Variants in GOLGA5 observed in about 807,000 individuals in gnomAD.
The protein encoded by GOLGA5 is golgin subfamily A member 5.
A neutral mutation model predicts 93.5 loss-of-function variants in GOLGA5; 50 were observed. That is an observed-to-expected ratio of 0.53 (90% CI 0.43 to 0.68). The LOEUF (loss-of-function observed/expected upper bound fraction) is 0.68, where lower values mean the gene tolerates loss of function less well. Among genes scored for constraint, GOLGA5 ranks in the 30% least tolerant of loss-of-function variants. The pLI, the probability that GOLGA5 is intolerant of heterozygous loss-of-function variation, is 0.00. For missense variants in GOLGA5, 760 were observed against 856.4 expected, an observed-to-expected ratio of 0.89 and a Z score of 1.40; for synonymous variants, 312 against 304.5, an observed-to-expected ratio of 1.02 and a Z score of -0.26.
chr14:92,816,319 C>T lies in GOLGA5; in HGVS notation c.1389C>T (p.Ala463=), dbSNP rs376843711. Residue 463 remains alanine, a synonymous_variant, in exon 7 of 13, where the codon GCC becomes GCT. Transcript: ENST00000163416. ...TTGAAGGCCTAGATAGCAGCACTGCCAGTAGCATGGAGCTGGAAGAACTTC... is the reference window on the plus strand; with the variant it reads ...TTGAAGGCCTAGATAGCAGCACTGCTAGTAGCATGGAGCTGGAAGAACTTC... ...SGFEGLDSST[A]SSMELEELRH... is the part of the protein sequence containing the mutation. 1.2e-6 allele frequency: 2 copies of T among 1,613,448 alleles called. No homozygotes were observed. The highest frequency in any genetic ancestry group is 4.5e-5 in the East Asian group (2 of 44,896).
At chr14:92,804,255 G>C (rs1019318479) in intron 2 of GOLGA5, among the ~76,000 whole-genome samples, 1 of 151,360 alleles carries the variant, frequency 6.6e-6, no homozygotes, top group Admixed American at 6.6e-5. Context: ...TTGTAGAGAC[G>C]AGTTCTCACT....
chr14:92,799,177 T>A (rs1884805981), intron 2 of GOLGA5, among the ~76,000 whole-genome samples: 2 of 152,168 alleles, frequency 1.3e-5, no homozygotes, highest in Non-Finnish European at 2.9e-5. Flanking sequence ...CTCACTGTGT[T>A]GCTCTGGCTG....
intron 11 of GOLGA5, 62 bp downstream of exon 11, chr14:92,835,726 T>G: frequency 1.5e-5 from 14 of 918,988 alleles, no homozygotes; most frequent in Non-Finnish European, 2.5e-5. Context: ...TTTCAGGGTT[T>G]CAATCACAGT....
At chr14:92,825,234 T>G (rs995050763) in intron 9 of GOLGA5, among the ~76,000 whole-genome samples, 6 of 152,214 alleles carry the variant, frequency 3.9e-5, no homozygotes, top group Non-Finnish European at 5.9e-5. Context: ...ACATAAAGAT[T>G]GAGTCTTTAT....
chr14:92,833,505 C>A (rs1885574105), intron 10 of GOLGA5, among the ~76,000 whole-genome samples, 158 bp downstream of exon 10: 1 of 152,062 alleles, frequency 6.6e-6, no homozygotes, highest in Admixed American at 6.6e-5. Flanking sequence ...TGTTAGTGAA[C>A]CGGATAATGG....
intron 7 of GOLGA5, among the ~76,000 whole-genome samples, chr14:92,817,786 C>T (rs955906260): frequency 6.6e-6 from 1 of 152,184 alleles, no homozygotes; most frequent in East Asian, 1.9e-4. Flanking sequence ...AGCAGACAGA[C>T]GTGGATAGAT....
rs75743171 is a variant in GOLGA5 at position 92,833,177 on chromosome 14, A to G, written c.1775A>G (p.His592Arg). ...SSQSELENRL[H>R]QLTETLIQKQ... is the part of the protein sequence containing the mutation. The stretch of plus-strand genomic sequence containing the variant: ...CAGTCTGAGTTAGAAAATCGACTCC[A>G]TCAGCTAACAGAGACTCTCATCCAG... The change falls in exon 10 of 13, where the codon CAT becomes CGT. Residue 592 changes from histidine (H) to arginine (R), a missense_variant. Physicochemically the swap from His to Arg is conservative, Grantham distance 29. Transcript: ENST00000163416. The G allele has an allele frequency of 1.8e-4, 296 of 1,613,550 alleles. 1 individual carries two copies. In the East Asian group the frequency reaches 3.9e-3, roughly 21 times the overall value.
chr14:92,832,115 A>G (rs1885543617), intron 9 of GOLGA5, among the ~76,000 whole-genome samples: 1 of 152,234 alleles, frequency 6.6e-6, no homozygotes, highest in Non-Finnish European at 1.5e-5. Context: ...GATAAATACC[A>G]AGACATTTAC....
chr14:92,833,265 C>T lies in GOLGA5; in HGVS notation c.1863C>T (p.Arg621=), dbSNP rs1246676163. ...EKNSLVFQLE[R]LEQQMNSASG... ...ACTCCCTGGTCTTTCAACTGGAGCGCCTCGAACAGCAGATGAACTCCGCCT... is the reference window on the plus strand; with the variant it reads ...ACTCCCTGGTCTTTCAACTGGAGCGTCTCGAACAGCAGATGAACTCCGCCT... Residue 621 remains arginine (R), a synonymous_variant, in exon 10 of 13, where the codon CGC becomes CGT. Transcript: ENST00000163416. 1 of 1,613,920 alleles carries T rather than the reference C, an allele frequency of 6.2e-7. No individual in the cohort carries two copies. The highest frequency in any genetic ancestry group is 8.5e-7 in the Non-Finnish European group (1 of 1,179,836).
chr14:92,800,931 C>T (rs550867611), intron 2 of GOLGA5, among the ~76,000 whole-genome samples: 14 of 152,294 alleles, frequency 9.2e-5, no homozygotes, highest in African/African-American at 3.1e-4. Flanking sequence ...AATTGTTTCT[C>T]TTGGGTAGGA....
intron 3 of GOLGA5, 40 bp from the exon 4 acceptor site, chr14:92,809,256 GTGTT>G: frequency 1.5e-6 from 2 of 1,314,434 alleles, no homozygotes; most frequent in South Asian, 1.2e-5. Flanking sequence ...TGAGAAAAAT[GTGTT>G]TGGTTTTGCT....
rs1255982895 is a variant in GOLGA5 at position 92,797,660 on chromosome 14, G to A, written c.223G>A (p.Ala75Thr). 5 of 1,613,754 alleles carry A rather than the reference G, an allele frequency of 3.1e-6. No individual in the cohort carries two copies. In the Admixed American group the frequency reaches 8.3e-5, roughly 27 times the overall value. The change falls in exon 2 of 13, where the codon GCC (alanine) becomes ACC (threonine). Residue 75 changes from alanine (A) to threonine (T), a missense_variant. Transcript: ENST00000163416. ...SAADNIRNQK[A>T]TILAGTANVK... ...AGCTGATAACATTCGAAATCAAAAA[G>A]CCACCATCTTAGCTGGCACTGCAAA...
In GOLGA5 at chr14:92,816,201, A is replaced by G. The variant is rs778834096; in HGVS notation, c.1321-50A>G. 2.3e-5 allele frequency: 29 copies of G among 1,272,036 alleles called. No individual in the cohort carries two copies. In the South Asian group the frequency reaches 3.2e-4, roughly 14 times the overall value. The allele number at this position is 1,272,036 out of a possible 1,614,324, so 78.8% of individuals were successfully genotyped here. ...TTCTGTATAGTAGATGATATTCAAT[A>G]TACAAACTAATCTCTGCTTTGCTTA... On this transcript the variant is annotated intron_variant, in intron 6 of 12. Transcript: ENST00000163416.
chr14:92,820,583 G>A (rs1187786788), intron 8 of GOLGA5, among the ~76,000 whole-genome samples: 1 of 152,188 alleles, frequency 6.6e-6, no homozygotes, highest in African/African-American at 2.4e-5. Context: ...CTGGGGGACG[G>A]TCAGGTCTTT....
chr14:92,797,278 A>C (rs867489701), intron 1 of GOLGA5, 130 bp from the exon 2 acceptor site: 1 of 549,106 alleles, frequency 1.8e-6, no homozygotes, highest in South Asian at 2.6e-5. Context: ...TAGTTTTCTC[A>C]AGGTTACCTA....
chr14:92,834,332 C>T (rs571490211), intron 10 of GOLGA5, among the ~76,000 whole-genome samples: 5 of 152,034 alleles, frequency 3.3e-5, no homozygotes, highest in Non-Finnish European at 5.9e-5. Context: ...AGGTCTATCT[C>T]CTAATACTAT....
intron 9 of GOLGA5, among the ~76,000 whole-genome samples, chr14:92,826,588 C>G (rs1885426566): frequency 6.6e-6 from 1 of 151,550 alleles, no homozygotes; most frequent in Non-Finnish European, 1.5e-5. Flanking sequence ...ATACCAGCTA[C>G]TTGAGAGGCT....
intron 6 of GOLGA5, 28 bp from the exon 7 acceptor site, chr14:92,816,223 C>T (rs1885201203): frequency 6.6e-7 from 1 of 1,509,924 alleles, no homozygotes; most frequent in African/African-American, 1.4e-5. Flanking sequence ...CTCTGCTTTG[C>T]TTAAACATAT....
At chr14:92,833,482 T>G in intron 10 of GOLGA5, 135 bp downstream of exon 10, 1 of 646,890 alleles carries the variant, frequency 1.5e-6, no homozygotes, top group East Asian at 2.7e-5. Context: ...CTGGGCCACG[T>G]ACTGTTTAGT....
Sources: gnomAD v4.1 joint callset for allele counts (sites outside exome capture counted in the v4.1 genomes callset) on GRCh38, gnomAD v4.1.1 for gene constraint, MANE v1.5 for transcripts, NCBI Gene and HGNC (gene_info 2026-07-23, HGNC 2026-07-21) for gene names.